Variants in VWA5B1 observed in about 807,000 individuals in gnomAD.
VWA5B1 encodes von Willebrand factor A domain containing 5B1, also known as von Willebrand factor A domain-containing protein 5B1.
VWA5B1 carries 115 observed loss-of-function variants against 118.2 expected under a neutral mutation model. That is an observed-to-expected ratio of 0.97 (90% CI 0.84 to 1.14). VWA5B1 has a LOEUF of 1.14. Ranked by LOEUF, VWA5B1 falls within the 50% of genes most tolerant of loss-of-function variation. VWA5B1 has a pLI of 0.00. For synonymous variants in VWA5B1, 682 were observed against 658.4 expected (o/e 1.04, Z -0.55); for missense variants, 1,596 against 1,603.8 (o/e 1.00, Z 0.08).
At chr1:20,313,912 G>A (rs901246268) in intron 3 of VWA5B1, among the ~76,000 whole-genome samples, 1 of 152,158 alleles carries the variant, frequency 6.6e-6, no homozygotes, top group African/African-American at 2.4e-5. Context: ...GTTCACGGAG[G>A]GGTTGTGTGG....
intron 16 of VWA5B1, among the ~76,000 whole-genome samples, chr1:20,344,549 A>G (rs144341404): frequency 1.8e-4 from 28 of 152,316 alleles, no homozygotes; most frequent in South Asian, 6.2e-4. Context: ...CCTAAGTGCT[A>G]TTAAGAAAAA....
Position 20,330,229 on chromosome 1 carries a change from T to C in VWA5B1, c.1304T>C (p.Met435Thr), listed in dbSNP as rs1557855258. Residue 435 changes from methionine (M) to threonine (T), a missense_variant, in exon 10 of 22, where the codon ATG becomes ACG. Transcript: ENST00000289815. ...GACATCCAGAGAATGAAGGCCGACATGGGTGGGACCAACATCCTTTCCCCT... is the reference window on the plus strand; with the variant it reads ...GACATCCAGAGAATGAAGGCCGACACGGGTGGGACCAACATCCTTTCCCCT... ...CDDIQRMKAD[M>T]GGTNILSPLK... 5.8e-6 allele frequency: 9 copies of C among 1,551,726 alleles called. No individual in the cohort carries two copies. Among genetic ancestry groups the C allele is most frequent in the Non-Finnish European group, 7.0e-6 (8 of 1,146,996 alleles).
In VWA5B1 at chr1:20,353,821, T is replaced by A. The variant is rs2090176956; in HGVS notation, c.3206T>A (p.Ile1069Asn). The A allele has an allele frequency of 2.6e-6, 4 of 1,510,442 alleles. No individual in the cohort carries two copies. The highest frequency in any genetic ancestry group is 1.4e-5 in the African/African-American group (1 of 72,102). 93.6% of individuals were successfully genotyped at this position (1,510,442 alleles called of 1,614,324 possible). A position where few individuals can be genotyped will look rare whatever the true frequency, so the allele number is the denominator to read the frequency against. ...LNEAFCEATH[I>N]PMEKLKWTSP... ...GAAGCCTTCTGTGAGGCCACGCACA[T>A]CCCCATGGAGAAGCTCAAGTGGACG... Residue 1069 changes from isoleucine to asparagine, a missense_variant, in exon 22 of 22, where the codon ATC becomes AAC. Ile to Asn is a moderately radical substitution (Grantham distance 149). Coordinates refer to ENST00000289815, the MANE Select transcript of VWA5B1 (RefSeq NM_001039500.3).
chr1:20,350,103 G>A, intron 18 of VWA5B1, 53 bp from the exon 19 acceptor site: 1 of 1,516,054 alleles, frequency 6.6e-7, no homozygotes, highest in Non-Finnish European at 9.0e-7. Context: ...TGAGGGGATG[G>A]GAGGCGAGGA....
intron 14 of VWA5B1, 98 bp downstream of exon 14, chr1:20,337,934 C>A: frequency 7.0e-7 from 1 of 1,430,462 alleles, no homozygotes; most frequent in Non-Finnish European, 9.6e-7. Flanking sequence ...CCATCCACAA[C>A]TTACACTGCC....
chr1:20,346,435 C>T (rs945580533), intron 17 of VWA5B1, among the ~76,000 whole-genome samples: 38 of 152,164 alleles, frequency 2.5e-4, no homozygotes, highest in Admixed American at 1.3e-4. Context: ...CTATTTAGAC[C>T]TTTATTTTAT....
chr1:20,351,971 T>C (rs2090138932), intron 20 of VWA5B1, 84 bp from the exon 21 acceptor site: 3 of 1,065,252 alleles, frequency 2.8e-6, no homozygotes, highest in African/African-American at 3.2e-5. Flanking sequence ...ATCTATTGCA[T>C]TCCTTCTGAC....
rs758622577 is a variant in VWA5B1, at chr1:20,342,552, C to T, written c.2254C>T (p.Gln752Ter). The T allele has an allele frequency of 2.3e-5, 36 of 1,541,860 alleles. No individual in the cohort carries two copies. In the South Asian group the frequency reaches 4.1e-4, roughly 18 times the overall value. The change falls in exon 15 of 22, where the codon CAG (glutamine) becomes TAG (stop). Residue 752 changes from glutamine (Q) to a stop codon, truncating the protein, a stop_gained. Coordinates refer to ENST00000289815, the MANE Select transcript of VWA5B1 (RefSeq NM_001039500.3). LOFTEE classifies it high-confidence loss of function. ...CTTCCTGCCCTGGGGCCAGGAGACCCAGGCCTGGAGCCCTGTGAGAGAGCG... is the reference window on the plus strand; with the variant it reads ...CTTCCTGCCCTGGGGCCAGGAGACCTAGGCCTGGAGCCCTGTGAGAGAGCG... ...QPFLPWGQET[Q>*]AWSPVRERTS...
At chr1:20,326,848 G>C (rs1383181430) in intron 8 of VWA5B1, among the ~76,000 whole-genome samples, 1 of 152,068 alleles carries the variant, frequency 6.6e-6, no homozygotes, top group Non-Finnish European at 1.5e-5. Flanking sequence ...CTGTAAAGCA[G>C]GGTTATTAAT....
At chr1:20,304,882 AT>A (rs1366336431) in intron 1 of VWA5B1, among the ~76,000 whole-genome samples, 1 of 152,032 alleles carries the variant, frequency 6.6e-6, no homozygotes, top group African/African-American at 2.4e-5. Context: ...TGGTATTTTC[AT>A]TTATCAAATA....
At chr1:20,309,628 T>C (rs549011786) in intron 1 of VWA5B1, among the ~76,000 whole-genome samples, 1 of 152,302 alleles carries the variant, frequency 6.6e-6, no homozygotes, top group Non-Finnish European at 1.5e-5. Flanking sequence ...CCTTAAGCTT[T>C]GGTTCTCTGT....
chr1:20,321,382 C>T (rs780460006), intron 7 of VWA5B1, among the ~76,000 whole-genome samples: 7 of 152,112 alleles, frequency 4.6e-5, no homozygotes, highest in African/African-American at 4.8e-5. Context: ...GTCAGGAGAT[C>T]AAGACCATCC....
At chr1:20,343,431 C>G (rs1220198404) in intron 16 of VWA5B1, 38 bp downstream of exon 16, 2 of 1,475,572 alleles carry the variant, frequency 1.4e-6, no homozygotes, top group South Asian at 2.7e-5. Flanking sequence ...CGCGGACGGC[C>G]TCCGGAGGAC....
intron 16 of VWA5B1, 100 bp from the exon 17 acceptor site, chr1:20,345,356 G>C: frequency 6.7e-7 from 1 of 1,485,240 alleles, no homozygotes; most frequent in Non-Finnish European, 9.1e-7. Flanking sequence ...TCCCAAAGAT[G>C]GGGACCACTT....
chr1:20,344,050 G>T (rs1337709158), intron 16 of VWA5B1, among the ~76,000 whole-genome samples: 1 of 121,336 alleles, frequency 8.2e-6, no homozygotes, highest in African/African-American at 3.2e-5. Context: ...ATTCCCAATC[G>T]CCCTTCCCCT....
intron 18 of VWA5B1, 113 bp downstream of exon 18, chr1:20,348,471 T>C (rs1246632082): frequency 8.6e-7 from 1 of 1,167,690 alleles, no homozygotes; most frequent in African/African-American, 1.5e-5. Context: ...GAGTCTGCAC[T>C]GTGGGCTTAG....
Position 20,337,725 on chromosome 1 carries a change from G to A in VWA5B1, c.2022G>A (p.Met674Ile). The A allele has an allele frequency of 6.4e-7, 1 of 1,551,702 alleles. No homozygotes were observed. The highest frequency in any genetic ancestry group is 8.7e-7 in the Non-Finnish European group (1 of 1,146,992). The change falls in exon 14 of 22, where the codon ATG becomes ATA. Residue 674 changes from methionine to isoleucine, a missense_variant. Physicochemically the swap from Met to Ile is conservative, Grantham distance 10 (BLOSUM62 1). Coordinates refer to ENST00000289815, the MANE Select transcript of VWA5B1 (RefSeq NM_001039500.3). ...TNHKPLPRATMASDPMPAAKR... is the reference protein window; with the variant it reads ...TNHKPLPRATIASDPMPAAKR... Reference sequence around the variant, plus strand: ...ACAAGCCCCTCCCAAGAGCCACCATGGCAAGTGACCCCATGCCAGCTGCCA... The same window carrying A: ...ACAAGCCCCTCCCAAGAGCCACCATAGCAAGTGACCCCATGCCAGCTGCCA...
intron 2 of VWA5B1, 76 bp downstream of exon 2, chr1:20,310,816 T>A: frequency 6.9e-7 from 1 of 1,442,038 alleles, no homozygotes; most frequent in South Asian, 1.5e-5. Flanking sequence ...ATTTACTCGC[T>A]GACTGACCTT....
At chr1:20,323,189 C>A (rs2100891925) in intron 7 of VWA5B1, 167 bp from the exon 8 acceptor site, 2 of 535,044 alleles carry the variant, frequency 3.7e-6, no homozygotes, top group East Asian at 3.5e-5. Context: ...CTGTTGCAAC[C>A]CGTGAAGGTC....
Sources: allele counts gnomAD v4.1 joint callset (sites outside exome capture counted in the v4.1 genomes callset), GRCh38; gene constraint gnomAD v4.1.1; transcripts MANE v1.5; gene names NCBI Gene and HGNC (gene_info 2026-07-23, HGNC 2026-07-21).